NCOA7: variants seen among roughly 807,000 people sequenced by gnomAD.
NCOA7 encodes 140 kDa estrogen receptor-associated protein.
In NCOA7, 45 loss-of-function variants were observed where a neutral mutation model predicts 104.3. The observed-to-expected ratio is 0.43, with a 90% CI of 0.34 to 0.55. The LOEUF (loss-of-function observed/expected upper bound fraction) is 0.55, where lower values mean the gene tolerates loss of function less well. Among genes scored for constraint, NCOA7 ranks in the 20% least tolerant of loss-of-function variants. The probability of loss-of-function intolerance (pLI) is 0.02; values close to 1 mark genes in which losing one functional copy is unlikely to be tolerated. For missense variants in NCOA7, 1,041 were observed against 1,119.7 expected, an observed-to-expected ratio of 0.93 and a Z score of 1.00; for synonymous variants, 398 against 402.3, an observed-to-expected ratio of 0.99 and a Z score of 0.13.
At chr6:125,854,499 C>G (rs934758965) in intron 2 of NCOA7, among the ~76,000 whole-genome samples, 1 of 152,112 alleles carries the variant, frequency 6.6e-6, no homozygotes, top group Admixed American at 6.6e-5. Flanking sequence ...ACTACTATTG[C>G]CATATGTTTA....
chr6:125,825,955 G>C (rs1778622327), intron 2 of NCOA7, among the ~76,000 whole-genome samples: 1 of 152,094 alleles, frequency 6.6e-6, no homozygotes, highest in South Asian at 2.1e-4. Flanking sequence ...TCTTTGAAAA[G>C]AGTATATGGA....
At chr6:125,836,719 G>A (rs1262568380) in intron 2 of NCOA7, among the ~76,000 whole-genome samples, 1 of 152,048 alleles carries the variant, frequency 6.6e-6, no homozygotes, top group Non-Finnish European at 1.5e-5. Flanking sequence ...GGAATGCCTG[G>A]GAGCAGAACA....
rs558007151 is a variant in NCOA7, at chr6:125,812,819, G to A, written c.-64-2472G>A. On this transcript the variant is annotated intron_variant, in intron 1 of 15. Coordinates refer to ENST00000392477, the MANE Select transcript of NCOA7 (RefSeq NM_181782.5). ...CTAGATCTTCGGTGCCGTAACCCAC[G>A]CAGTTCCTGAAGCAGAAACTTGGAG... is the stretch of plus-strand genomic sequence containing the variant. Among the ~76,000 whole-genome samples, 11 of 152,162 alleles carry A rather than the reference G, an allele frequency of 7.2e-5. No individual in the cohort carries two copies. In the South Asian group the frequency reaches 1.7e-3, roughly 23 times the overall value.
At chr6:125,799,111 T>C (rs1775621690) in intron 1 of NCOA7, among the ~76,000 whole-genome samples, 3 of 152,190 alleles carry the variant, frequency 2.0e-5, no homozygotes, top group Admixed American at 1.3e-4. Context: ...GCTTAGATGA[T>C]GATGGCACTG....
At chr6:125,912,426 C>T (rs1786657519) in intron 10 of NCOA7, among the ~76,000 whole-genome samples, 1 of 152,130 alleles carries the variant, frequency 6.6e-6, no homozygotes, top group South Asian at 2.1e-4. Flanking sequence ...TATATTTACT[C>T]GTTTTCCTTC....
chr6:125,797,813 C>T (rs1475630713), intron 1 of NCOA7: 2 of 152,172 alleles, frequency 1.3e-5, no homozygotes, highest in South Asian at 2.1e-4. Flanking sequence ...CAGGGTTCTG[C>T]CTGTCTGTAG....
intron 13 of NCOA7, among the ~76,000 whole-genome samples, chr6:125,923,723 C>T (rs2128699726): frequency 6.6e-6 from 1 of 152,294 alleles, no homozygotes; most frequent in Non-Finnish European, 1.5e-5. Flanking sequence ...CTAATTAGAG[C>T]CTGTTAGGCG....
chr6:125,801,169 A>G (rs1400040234), intron 1 of NCOA7, among the ~76,000 whole-genome samples: 4 of 152,254 alleles, frequency 2.6e-5, no homozygotes, highest in African/African-American at 9.6e-5. Flanking sequence ...GTGATGCTGC[A>G]TTCTCAGAAT....
At chr6:125,852,809 C>T (rs2128617707) in intron 2 of NCOA7, among the ~76,000 whole-genome samples, 1 of 152,256 alleles carries the variant, frequency 6.6e-6, no homozygotes, top group Admixed American at 6.5e-5. Context: ...GTTTTGGTAA[C>T]TATAGCTTTG....
chr6:125,811,880 G>A (rs1777043574), intron 1 of NCOA7, among the ~76,000 whole-genome samples: 1 of 152,192 alleles, frequency 6.6e-6, no homozygotes, highest in African/African-American at 2.4e-5. Flanking sequence ...TGCAGCATTG[G>A]ATGTTGTTGA....
chr6:125,928,990 A>G lies in NCOA7; in HGVS notation c.*219A>G. On this transcript the variant is annotated 3_prime_UTR_variant, in exon 16 of 16. Coordinates refer to ENST00000392477, the MANE Select transcript of NCOA7 (RefSeq NM_181782.5). Reference sequence around the variant, plus strand: ...AGAAACTTAAAATCCAGGTTGTTGAAAAGACTTTGTACTCCCACTTCCTCC... The same window carrying G: ...AGAAACTTAAAATCCAGGTTGTTGAGAAGACTTTGTACTCCCACTTCCTCC... 2.2e-6 allele frequency: 1 copy of G among 460,092 alleles called. No individual in the cohort carries two copies. Among genetic ancestry groups the G allele is most frequent in the South Asian group, 4.3e-5 (1 of 23,354 alleles). The allele number at this position is 460,092 out of a possible 1,614,324, so 28.5% of individuals were successfully genotyped here.
At chr6:125,914,690 A>T (rs1037977338) in intron 10 of NCOA7, among the ~76,000 whole-genome samples, 2 of 152,198 alleles carry the variant, frequency 1.3e-5, no homozygotes, top group African/African-American at 4.8e-5. Context: ...CACAGCTCTC[A>T]TTCTCTTCCC....
At chr6:125,793,522 A>T (rs1308867669) in intron 1 of NCOA7, among the ~76,000 whole-genome samples, 1 of 152,118 alleles carries the variant, frequency 6.6e-6, no homozygotes, top group Non-Finnish European at 1.5e-5. Context: ...TGCCTCTGGG[A>T]TTGGTTGACT....
intron 2 of NCOA7, among the ~76,000 whole-genome samples, chr6:125,839,905 G>A (rs1779977349): frequency 6.6e-6 from 1 of 151,730 alleles, no homozygotes; most frequent in South Asian, 2.1e-4. Flanking sequence ...AAATGACTGT[G>A]TTACTGGTTT....
intron 10 of NCOA7, among the ~76,000 whole-genome samples, chr6:125,903,792 A>C (rs1465302370): frequency 6.7e-6 from 1 of 148,610 alleles, no homozygotes; most frequent in Non-Finnish European, 1.5e-5. Context: ...TGCAACCTCC[A>C]CCTCCTGGGT....
Position 125,867,407 on chromosome 6 carries a change from T to A in NCOA7, c.272-7482T>A, listed in dbSNP as rs879505759. ...GTTTTACTTTAAAAAAAGTACTTCT[T>A]TTCCTTTTGGTTTCTGATATAAGAG... On this transcript the variant is annotated intron_variant, in intron 3 of 15. Coordinates refer to ENST00000392477, the MANE Select transcript of NCOA7 (RefSeq NM_181782.5). Among the ~76,000 whole-genome samples the A allele has an allele frequency of 7.7e-3, 1,171 of 152,366 alleles. 14 individuals are homozygous for A. Among genetic ancestry groups the A allele is most frequent in the African/African-American group, 0.027 (1,117 of 41,574 alleles).
intron 2 of NCOA7, among the ~76,000 whole-genome samples, chr6:125,839,918 G>A (rs1485145131): frequency 6.6e-6 from 1 of 151,894 alleles, no homozygotes; most frequent in East Asian, 1.9e-4. Flanking sequence ...ACTGGTTTAT[G>A]TATTTACTAC....
In NCOA7 at chr6:125,885,251, G is replaced by A. The variant is rs574558612; in HGVS notation, c.792G>A (p.Glu264=). The A allele has an allele frequency of 1.9e-6, 3 of 1,614,028 alleles. No homozygotes were observed. Among genetic ancestry groups the A allele is most frequent in the South Asian group, 1.1e-5 (1 of 91,074 alleles). ...CTCTGGTTATTGAAAATGGGTGTGA[G>A]GAGTATGGTCTCATCTGCCCCATGG... The part of the protein sequence containing the change: ...SDPLVIENGC[E]EYGLICPMEE... Residue 264 remains glutamate (E), a synonymous_variant, in exon 8 of 16, where the codon GAG becomes GAA. Coordinates refer to ENST00000392477, the MANE Select transcript of NCOA7 (RefSeq NM_181782.5).
intron 13 of NCOA7, among the ~76,000 whole-genome samples, chr6:125,926,311 CAAA>C (rs59529465): frequency 2.0e-5 from 2 of 102,126 alleles, no homozygotes. Context: ...GACTCCATCT[CAAA>C]AAAAAAAAAA....
Sources: gnomAD v4.1 joint callset for allele counts (sites outside exome capture counted in the v4.1 genomes callset) on GRCh38, gnomAD v4.1.1 for gene constraint, MANE v1.5 for transcripts, NCBI Gene and HGNC (gene_info 2026-07-23, HGNC 2026-07-21) for gene names.